Variants in NSD3 observed in about 807,000 individuals in gnomAD.
NSD3 encodes histone-lysine N-methyltransferase NSD3.
A neutral mutation model predicts 160.8 loss-of-function variants in NSD3; 24 were observed. The observed-to-expected ratio is 0.15, with a 90% CI of 0.11 to 0.21. NSD3 has a LOEUF of 0.21. Ranked by LOEUF, NSD3 falls within the 10% of genes least tolerant of loss-of-function variation. The probability of loss-of-function intolerance (pLI) is 1.00; values close to 1 mark genes in which losing one functional copy is unlikely to be tolerated. For missense variants in NSD3, 1,157 were observed against 1,735.9 expected, an observed-to-expected ratio of 0.67 and a Z score of 5.93; for synonymous variants, 520 against 600.0, an observed-to-expected ratio of 0.87 and a Z score of 1.95.
In NSD3 at chr8:38,365,536, G is replaced by A. The variant is rs182269102; in HGVS notation, c.-45+16263C>T. Among the ~76,000 whole-genome samples the A allele has an allele frequency of 3.8e-3, 574 of 152,282 alleles. 6 individuals are homozygous for A. The highest frequency in any genetic ancestry group is 0.01 in the Middle Eastern group (3 of 294). ...CACCCAAGCTGGAGTACACTAGCAC[G>A]ATCTCAGCTCACTGCAACCTCTGCC... is the stretch of plus-strand genomic sequence containing the variant. On this transcript the variant is annotated intron_variant, in intron 1 of 23. Coordinates refer to ENST00000317025, the MANE Select transcript of NSD3 (RefSeq NM_023034.2).
In NSD3 at chr8:38,271,401, C is replaced by T. The variant is rs1166344715; in HGVS notation, c.*4240G>A. On this transcript the variant is annotated 3_prime_UTR_variant, in exon 24 of 24. Transcript: ENST00000317025. ...TTCGTACCTGTGGTAAACATTATCC[C>T]CCCCCTTACCCTTTACCAGGAGAAA... The T allele has an allele frequency of 6.6e-6, 1 of 151,976 alleles. No individual in the cohort carries two copies. The highest frequency in any genetic ancestry group is 1.5e-5 in the Non-Finnish European group (1 of 67,996). 9.4% of individuals were successfully genotyped at this position (151,976 alleles called of 1,614,324 possible). A position where few individuals can be genotyped will look rare whatever the true frequency, so the allele number is the denominator to read the frequency against.
rs1176429315 is a variant in NSD3, at chr8:38,271,770, T to C, written c.*3871A>G. ...CAACTTTCCAATGTCCTTTTTCTCA[T>C]ATGGAAGTATAGAATGTCAGCTTCC... On this transcript the variant is annotated 3_prime_UTR_variant, in exon 24 of 24. Coordinates refer to ENST00000317025, the MANE Select transcript of NSD3 (RefSeq NM_023034.2). 1 of 152,200 alleles carries C rather than the reference T, an allele frequency of 6.6e-6. No individual in the cohort carries two copies. The highest frequency in any genetic ancestry group is 1.5e-5 in the Non-Finnish European group (1 of 68,026). 9.4% of individuals were successfully genotyped at this position (152,200 alleles called of 1,614,324 possible).
intron 7 of NSD3, among the ~76,000 whole-genome samples, chr8:38,325,334 CT>C (rs935010981): frequency 2.0e-5 from 3 of 152,092 alleles, no homozygotes; most frequent in Admixed American, 6.5e-5. Flanking sequence ...AATAGTTTAA[CT>C]TTTTTTTCTA....
In NSD3 at chr8:38,276,182, C is replaced by T. The variant is rs760648537; in HGVS notation, c.4072+114G>A. The T allele has an allele frequency of 9.4e-5, 115 of 1,222,710 alleles. 1 individual carries two copies. The South Asian group carries it at 1.1e-3, about 12-fold the overall frequency. 75.7% of individuals were successfully genotyped at this position (1,222,710 alleles called of 1,614,324 possible). On this transcript the variant is annotated intron_variant, in intron 23 of 23. Coordinates refer to ENST00000317025, the MANE Select transcript of NSD3 (RefSeq NM_023034.2). ...AAAGATTTTTGCCAGCGTAATTTTT[C>T]GCTATTGTTTGTTCTATTCAACATT...
chr8:38,319,879 T>G lies in NSD3; in HGVS notation c.1810-939A>C, dbSNP rs1429957915. On this transcript the variant is annotated intron_variant, in intron 8 of 23. Coordinates refer to ENST00000317025, the MANE Select transcript of NSD3 (RefSeq NM_023034.2). This position sits in a 1 kb window ranked among gnomAD's most constrained non-coding sequence, Gnocchi z 4.1. ...TTCTAAACAATCACTGGTATTGTTC[T>G]ACTACTAACTATAACACAGTGGCAT... The G allele has an allele frequency of 6.6e-6, 1 of 152,210 alleles. No homozygotes were observed. Among genetic ancestry groups the G allele is most frequent in the Non-Finnish European group, 1.5e-5 (1 of 68,036 alleles). 9.4% of individuals were successfully genotyped at this position (152,210 alleles called of 1,614,324 possible). A position where few individuals can be genotyped will look rare whatever the true frequency, so the allele number is the denominator to read the frequency against.
At chr8:38,329,000 T>C (rs1017526704) in intron 6 of NSD3, among the ~76,000 whole-genome samples, 1 of 152,196 alleles carries the variant, frequency 6.6e-6, no homozygotes, top group Non-Finnish European at 1.5e-5. Context: ...TTTATAACAA[T>C]GGTTAATTCA....
rs1808940957 is a variant in NSD3, at chr8:38,289,315, A to G, written c.3231+78T>C. 3.7e-6 allele frequency: 5 copies of G among 1,337,782 alleles called. No individual in the cohort carries two copies. In the South Asian group the frequency reaches 6.5e-5, roughly 17 times the overall value. The allele number at this position is 1,337,782 out of a possible 1,614,324, so 82.9% of individuals were successfully genotyped here. A position where few individuals can be genotyped will look rare whatever the true frequency, so the allele number is the denominator to read the frequency against. On this transcript the variant is annotated intron_variant, in intron 18 of 23. Transcript: ENST00000317025. The stretch of plus-strand genomic sequence containing the variant: ...TAATGCATTTCGTCTCATCTATTAA[A>G]TAACAATGCTTTCATAGTAAAGACT...
At chr8:38,300,250 T>C (rs925138225) in intron 14 of NSD3, among the ~76,000 whole-genome samples, 2 of 152,086 alleles carry the variant, frequency 1.3e-5, no homozygotes, top group African/African-American at 4.8e-5. Flanking sequence ...CACCTTTGAA[T>C]TTCTGGGCTC....
Position 38,337,435 on chromosome 8 carries a change from C to T in NSD3, c.780G>A (p.Thr260=), listed in dbSNP as rs760512094. 2 of 1,607,704 alleles carry T rather than the reference C, an allele frequency of 1.2e-6. No homozygotes were observed. Among genetic ancestry groups the T allele is most frequent in the African/African-American group, 1.3e-5 (1 of 74,578 alleles). Residue 260 remains threonine (T), a synonymous_variant, in exon 4 of 24, where the codon ACG becomes ACA. Transcript: ENST00000317025. ...VQPILSSVPT[T]EVSTGVKFQV... ...GAAACTTAACACCAGTGGACACTTC[C>T]GTTGTTGGAACAGAAGATAGTATTG...
intron 12 of NSD3, among the ~76,000 whole-genome samples, chr8:38,309,322 G>T (rs960954983): frequency 1.3e-4 from 20 of 152,040 alleles, no homozygotes; most frequent in Non-Finnish European, 7.4e-5. Flanking sequence ...ACAAAAATTA[G>T]TCGGGCGTGG....
chr8:38,342,714 C>T (rs370504743), intron 2 of NSD3, among the ~76,000 whole-genome samples: 5 of 151,744 alleles, frequency 3.3e-5, no homozygotes, highest in East Asian at 2.0e-4. Flanking sequence ...ATTACAGGCA[C>T]GCGCCACCAC....
intron 1 of NSD3, among the ~76,000 whole-genome samples, chr8:38,354,905 A>G (rs192811566): frequency 6.6e-6 from 1 of 152,294 alleles, no homozygotes; most frequent in African/African-American, 2.4e-5. Context: ...TAAGAGGGCC[A>G]TACTTCTTCA....
intron 2 of NSD3, among the ~76,000 whole-genome samples, chr8:38,347,262 A>C (rs1418636468): frequency 1.3e-5 from 2 of 152,250 alleles, no homozygotes; most frequent in Non-Finnish European, 2.9e-5. Flanking sequence ...AGGACAAAGA[A>C]ACATAAGCAG....
intron 1 of NSD3, among the ~76,000 whole-genome samples, chr8:38,374,860 C>T (rs962341923): frequency 6.6e-6 from 1 of 151,878 alleles, no homozygotes; most frequent in Non-Finnish European, 1.5e-5. Flanking sequence ...AAAAATTAGC[C>T]GGGCGTGCTG....
Position 38,319,618 on chromosome 8 carries a change from T to A in NSD3, c.1810-678A>T, listed in dbSNP as rs1316023456. The stretch of plus-strand genomic sequence containing the variant: ...TGTAAAACACGTGGTAATTTGAGGA[T>A]TGAACCATTGGAATTAGAGAAAGGA... On this transcript the variant is annotated intron_variant, in intron 8 of 23. Transcript: ENST00000317025. This position sits in a 1 kb window ranked among gnomAD's most constrained non-coding sequence, Gnocchi z 4.1. The A allele has an allele frequency of 6.6e-6, 1 of 152,168 alleles. No homozygotes were observed. The highest frequency in any genetic ancestry group is 6.5e-5 in the Admixed American group (1 of 15,282). 9.4% of individuals were successfully genotyped at this position (152,168 alleles called of 1,614,324 possible).
intron 1 of NSD3, among the ~76,000 whole-genome samples, chr8:38,379,024 C>T (rs1563374461): frequency 6.6e-6 from 1 of 151,732 alleles, no homozygotes; most frequent in African/African-American, 2.4e-5. Flanking sequence ...TCACCAATCT[C>T]AAAGACAGTT....
At chr8:38,381,084 GAACAA>G (rs1811537152) in intron 1 of NSD3, among the ~76,000 whole-genome samples, 1 of 151,890 alleles carries the variant, frequency 6.6e-6, no homozygotes, top group Non-Finnish European at 1.5e-5. Context: ...ACAAATACAG[GAACAA>G]AAGGCCTCCC....
At position 38,279,531 on chromosome 8, in the gene NSD3, C is replaced by T. The variant is rs1406226745; in HGVS notation, c.3760+9G>A. The stretch of plus-strand genomic sequence containing the variant: ...GGAGGAAAGCATGGGGAACGAGTCA[C>T]TTTTTTACCTGCAGGAATATCACAG... On this transcript the variant is annotated intron_variant, in intron 21 of 23. Transcript: ENST00000317025. The T allele has an allele frequency of 1.2e-6, 2 of 1,613,256 alleles. No homozygotes were observed. The highest frequency in any genetic ancestry group is 1.7e-6 in the Non-Finnish European group (2 of 1,179,374).
rs1808737694 is a variant in NSD3 at position 38,281,672 on chromosome 8, AGAG to A, written c.3502-92_3502-90del. 17 of 681,514 alleles carry A rather than the reference AGAG, an allele frequency of 2.5e-5. No homozygotes were observed. The South Asian group carries it at 5.5e-4, about 22-fold the overall frequency. The allele number at this position is 681,514 out of a possible 1,614,324, so 42.2% of individuals were successfully genotyped here. On this transcript the variant is annotated intron_variant, in intron 19 of 23. Coordinates refer to ENST00000317025, the MANE Select transcript of NSD3 (RefSeq NM_023034.2). ...CACATGTATAACCCAAAATAATTAA[AGAG>A]AACCCTGAAAATATAACTTCAACCC...
Sources: allele counts gnomAD v4.1 joint callset (sites outside exome capture counted in the v4.1 genomes callset), GRCh38; gene constraint gnomAD v4.1.1; non-coding constraint Gnocchi (gnomAD v3.1); transcripts MANE v1.5; gene names NCBI Gene and HGNC (gene_info 2026-07-23, HGNC 2026-07-21).